The following TNFSF4 variants were observed in gnomAD, a reference collection of about 807,000 sequenced individuals.
TNFSF4 encodes TNF superfamily member 4.
In TNFSF4, 4 loss-of-function variants were observed where a neutral mutation model predicts 7.3. The observed-to-expected ratio is 0.55, with a 90% CI of 0.27 to 1.25. The LOEUF is 1.25. Among genes scored for constraint, TNFSF4 ranks in the 50% most tolerant of loss-of-function variants. The pLI, the probability that TNFSF4 is intolerant of heterozygous loss-of-function variation, is 0.12. For missense variants in TNFSF4, 181 were observed against 208.8 expected, an observed-to-expected ratio of 0.87 and a Z score of 0.82; for synonymous variants, 76 against 83.7, an observed-to-expected ratio of 0.91 and a Z score of 0.50.
chr1:173,420,368 C>A, the TNFSF4 span, among the ~76,000 whole-genome samples: 1 of 152,200 alleles, frequency 6.6e-6, no homozygotes, highest in African/African-American at 2.4e-5. Context: ...ATTCTCAAGC[C>A]TCAAGCTGTG....
downstream of TNFSF4, among the ~76,000 whole-genome samples, chr1:173,180,655 A>C (rs1649039649): frequency 6.6e-6 from 1 of 152,192 alleles, no homozygotes; most frequent in Non-Finnish European, 1.5e-5. Flanking sequence ...ACTTACCTAG[A>C]AGAAGTGTGT....
At chr1:173,349,164 G>A in the TNFSF4 span, among the ~76,000 whole-genome samples, 3 of 152,142 alleles carry the variant, frequency 2.0e-5, no homozygotes, top group African/African-American at 7.2e-5. Flanking sequence ...GAGTAGCTGG[G>A]ACTACAGGCG....
chr1:173,278,074 A>G, the TNFSF4 span, among the ~76,000 whole-genome samples: 1 of 152,092 alleles, frequency 6.6e-6, no homozygotes, highest in East Asian at 1.9e-4. Flanking sequence ...CAGTATCCAA[A>G]TGCTCTCAGA....
the TNFSF4 span, among the ~76,000 whole-genome samples, chr1:173,236,221 C>T: frequency 6.6e-6 from 1 of 152,116 alleles, no homozygotes; most frequent in Non-Finnish European, 1.5e-5. Context: ...TTAGCTTCAA[C>T]ACTCAATGGT....
At chr1:173,440,852 T>TA in the TNFSF4 span, 1 of 152,328 alleles carries the variant, frequency 6.6e-6, no homozygotes, top group East Asian at 1.9e-4. Flanking sequence ...CTGTAAGGTT[T>TA]AAAATCCATC....
the TNFSF4 span, among the ~76,000 whole-genome samples, chr1:173,383,992 T>G: frequency 6.6e-6 from 1 of 152,230 alleles, no homozygotes; most frequent in Non-Finnish European, 1.5e-5. Flanking sequence ...ATGATGACCA[T>G]CATCATCTTC....
the TNFSF4 span, among the ~76,000 whole-genome samples, chr1:173,390,739 T>TTC: frequency 4.5e-5 from 3 of 66,210 alleles, no homozygotes; most frequent in African/African-American, 1.4e-4. Flanking sequence ...TTCTGCTTCT[T>TTC]TTTTTTTTTT....
At chr1:173,432,893 A>T in the TNFSF4 span, among the ~76,000 whole-genome samples, 68 of 152,244 alleles carry the variant, frequency 4.5e-4, no homozygotes, top group Admixed American at 9.2e-4. Context: ...TGTATTTGCT[A>T]TTAAGAGAAG....
At chr1:173,379,009 T>A in the TNFSF4 span, among the ~76,000 whole-genome samples, 3 of 150,858 alleles carry the variant, frequency 2.0e-5, no homozygotes, top group African/African-American at 7.3e-5. Flanking sequence ...GGCGAAGCTT[T>A]CAGATGATCC....
At chr1:173,347,806 AT>A in the TNFSF4 span, among the ~76,000 whole-genome samples, 1 of 152,212 alleles carries the variant, frequency 6.6e-6, no homozygotes, top group African/African-American at 2.4e-5. Flanking sequence ...GGGCCACATA[AT>A]TCTTTTTTGT....
the TNFSF4 span, among the ~76,000 whole-genome samples, chr1:173,249,748 A>G: frequency 1.3e-5 from 2 of 152,238 alleles, no homozygotes; most frequent in South Asian, 4.1e-4. Context: ...ACCAACACTT[A>G]GTATTAAATC....
chr1:173,448,562 G>A, the TNFSF4 span, among the ~76,000 whole-genome samples: 66 of 152,274 alleles, frequency 4.3e-4, no homozygotes, highest in African/African-American at 1.5e-3. Flanking sequence ...ATTTGGGTAG[G>A]TAAAGGAAAA....
At chr1:173,244,370 C>T in the TNFSF4 span, among the ~76,000 whole-genome samples, 9 of 151,996 alleles carry the variant, frequency 5.9e-5, no homozygotes, top group East Asian at 1.9e-4. Context: ...CGGCCGGGCG[C>T]GGTGGCTCAC....
chr1:173,375,910 G>C, the TNFSF4 span, among the ~76,000 whole-genome samples: 4 of 152,022 alleles, frequency 2.6e-5, no homozygotes, highest in Non-Finnish European at 5.9e-5. Context: ...TCACCGCAAA[G>C]GTCCATGGTT....
chr1:173,257,095 A>T, the TNFSF4 span, among the ~76,000 whole-genome samples: 18 of 152,230 alleles, frequency 1.2e-4, no homozygotes, highest in African/African-American at 4.1e-4. Flanking sequence ...CTCACGTGGG[A>T]GAAGGCACTA....
At chr1:173,394,987 CATAGATAG>C in the TNFSF4 span, among the ~76,000 whole-genome samples, 3,087 of 126,762 alleles carry the variant, frequency 0.024, 61 homozygotes, top group South Asian at 0.059. Flanking sequence ...ATAGAGGACA[CATAGATAG>C]ATAGATAGAT....
chr1:173,381,283 T>A, the TNFSF4 span, among the ~76,000 whole-genome samples: 2 of 152,134 alleles, frequency 1.3e-5, no homozygotes, highest in Non-Finnish European at 2.9e-5. Context: ...TGCACCTTCT[T>A]AGGGGAAAAG....
the TNFSF4 span, among the ~76,000 whole-genome samples, chr1:173,344,143 T>TGGTCTCTCCCATCA: frequency 1.3e-5 from 2 of 152,156 alleles, no homozygotes. Flanking sequence ...CAAAGCTAAA[T>TGGTCTCTCCCATCA]AAGTCATGAT....
At chr1:173,179,149 T>C (rs201854369), downstream of TNFSF4, among the ~76,000 whole-genome samples, 19 of 152,300 alleles carry the variant, frequency 1.2e-4, no homozygotes, top group East Asian at 2.9e-3. Flanking sequence ...TTAAGCCACT[T>C]CGTTCGTGGT....
Sources: allele counts gnomAD v4.1 joint callset (sites outside exome capture counted in the v4.1 genomes callset), GRCh38; gene constraint gnomAD v4.1.1; transcripts MANE v1.5; gene names NCBI Gene and HGNC (gene_info 2026-07-23, HGNC 2026-07-21).